The following GAS6 variants were observed in gnomAD, a reference collection of about 807,000 sequenced individuals.
GAS6 encodes the protein growth arrest-specific protein 6.
Under a neutral mutation model 75.8 loss-of-function variants are expected in GAS6, and 41 were observed. The ratio of observed to expected loss-of-function variants is 0.54; its 90% CI spans 0.42 to 0.70. The LOEUF (loss-of-function observed/expected upper bound fraction) is 0.70, where lower values mean the gene tolerates loss of function less well. GAS6 is among the 30% of genes least tolerant of loss of function. The pLI is 0.00. For missense variants in GAS6, 854 were observed against 940.2 expected, an observed-to-expected ratio of 0.91 and a Z score of 1.20; for synonymous variants, 432 against 412.6, an observed-to-expected ratio of 1.05 and a Z score of -0.57.
intron 14 of GAS6, 126 bp from the exon 15 acceptor site, chr13:113,821,144 C>T (rs1165423015): frequency 4.2e-6 from 4 of 949,018 alleles, no homozygotes; most frequent in Non-Finnish European, 6.3e-6. Context: ...GTTTCCCTTT[C>T]TTCTCTAACT....
chr13:113,861,585 T>C (rs1056665326), intron 2 of GAS6, among the ~76,000 whole-genome samples: 4 of 152,118 alleles, frequency 2.6e-5, no homozygotes, highest in Non-Finnish European at 5.9e-5. Context: ...GACAGTCCCC[T>C]CGGGCCTGGG....
In GAS6 at chr13:113,850,837, G is replaced by A. The variant is rs147228971; in HGVS notation, c.256-2787C>T. Among the ~76,000 whole-genome samples, 56 of 151,964 alleles carry A rather than the reference G, an allele frequency of 3.7e-4. No homozygotes were observed. The East Asian group carries it at 0.01, about 28-fold the overall frequency. The stretch of plus-strand genomic sequence containing the variant: ...GAACAGATGGATTGATAGATGGATA[G>A]ATGGATGGATAGATGCATGTATGGA... On this transcript the variant is annotated intron_variant, in intron 2 of 14. Transcript: ENST00000327773.
Position 113,832,232 on chromosome 13 carries a change from G to A in GAS6, c.1143+67C>T, listed in dbSNP as rs2051637636. ...CATCTCCTAACGGTTGCATAAGCGA[G>A]TGACAGCTGAGTCTGGCTCAGGGAG... On this transcript the variant is annotated intron_variant, in intron 10 of 14. Transcript: ENST00000327773. 6.6e-6 allele frequency: 10 copies of A among 1,524,042 alleles called. No homozygotes were observed. In the Admixed American group the frequency reaches 1.7e-4, roughly 25 times the overall value. The allele number at this position is 1,524,042 out of a possible 1,614,324, so 94.4% of individuals were successfully genotyped here.
chr13:113,863,803 G>A lies in GAS6; in HGVS notation c.88+30C>T. On this transcript the variant is annotated intron_variant, in intron 1 of 14. Transcript: ENST00000327773. This position sits in a 1 kb window ranked among gnomAD's most constrained non-coding sequence, Gnocchi z 9.4. The stretch of plus-strand genomic sequence containing the variant: ...GCCCGGAGCCTCCTCCCGCCGCCCG[G>A]GGACGGGGTCTCGGGCCCGCGGGAC... 1 of 1,391,090 alleles carries A rather than the reference G, an allele frequency of 7.2e-7. No homozygotes were observed. Among genetic ancestry groups the A allele is most frequent in the Non-Finnish European group, 9.2e-7 (1 of 1,084,804 alleles). 86.2% of individuals were successfully genotyped at this position (1,391,090 alleles called of 1,614,324 possible).
chr13:113,852,934 G>A (rs918737776), intron 2 of GAS6, among the ~76,000 whole-genome samples: 2 of 152,130 alleles, frequency 1.3e-5, no homozygotes, highest in African/African-American at 4.8e-5. Context: ...ACCTCCCCAT[G>A]CCACCGCAGG....
Position 113,828,690 on chromosome 13 carries a change from G to A in GAS6, c.1165C>T (p.Arg389Trp), listed in dbSNP as rs770585835. 2.2e-5 allele frequency: 36 copies of A among 1,613,280 alleles called. No homozygotes were observed. The highest frequency in any genetic ancestry group is 1.3e-4 in the East Asian group (6 of 44,900). ...WQTISVEELA[R>W]NLVIKVNRDA... ...CTGTTGACCTTGATGACCAGATTCC[G>A]CGCCAGCTCCTCAACAGAGATCTGA... Residue 389 changes from arginine (R) to tryptophan (W), a missense_variant, in exon 11 of 15, where the codon CGG (arginine) becomes TGG (tryptophan). Arg to Trp is a moderately radical substitution (Grantham distance 101). Transcript: ENST00000327773.
chr13:113,839,901 G>A (rs760395178), intron 4 of GAS6, 51 bp from the exon 5 acceptor site: 15 of 1,611,750 alleles, frequency 9.3e-6, no homozygotes, highest in Non-Finnish European at 1.2e-5. Context: ...CCACCCCTGC[G>A]CGCCCAACGC....
intron 2 of GAS6, among the ~76,000 whole-genome samples, chr13:113,858,897 G>C (rs1345789310): frequency 6.6e-6 from 1 of 151,664 alleles, no homozygotes; most frequent in Non-Finnish European, 1.5e-5. Flanking sequence ...CTATGTGAAT[G>C]TGTGCATGTA....
chr13:113,826,280 T>G (rs536799459), intron 12 of GAS6, among the ~76,000 whole-genome samples: 18 of 152,324 alleles, frequency 1.2e-4, no homozygotes, highest in African/African-American at 4.3e-4. Context: ...GTGACCACGG[T>G]GTCCACCATG....
chr13:113,836,000 C>G (rs2051698723), intron 6 of GAS6: 1 of 1,046,506 alleles, frequency 9.6e-7, no homozygotes, highest in East Asian at 7.5e-5. Context: ...GCATTTGAAA[C>G]TAAAACCCCA....
At chr13:113,822,384 C>T (rs913933354) in intron 13 of GAS6, 198 bp from the exon 14 acceptor site, 23 of 488,216 alleles carry the variant, frequency 4.7e-5, no homozygotes, top group African/African-American at 3.5e-4. Context: ...CTTCTCTGCA[C>T]GTAAAGCCAG....
chr13:113,862,358 T>TG (rs2051978596), intron 2 of GAS6, among the ~76,000 whole-genome samples: 1 of 152,230 alleles, frequency 6.6e-6, no homozygotes, highest in Non-Finnish European at 1.5e-5. Flanking sequence ...AGGACGCTGT[T>TG]GGAGGACACT....
At position 113,824,064 on chromosome 13, in the gene GAS6, CGCGCGGT is replaced by C. The variant is rs1243535502; in HGVS notation, c.1478-521_1478-515del. ...TCTGGGGTCTGAGCTGTCAGGAGCA[CGCGCGGT>C]CTGGGGTCTGAGCTGTCAGGAGCAC... On this transcript the variant is annotated intron_variant, in intron 12 of 14. Coordinates refer to ENST00000327773, the MANE Select transcript of GAS6 (RefSeq NM_000820.4). 3.8e-3 allele frequency among the ~76,000 whole-genome samples: 558 copies of C among 146,086 alleles called. 12 individuals are homozygous for C. The highest frequency in any genetic ancestry group is 0.012 in the African/African-American group (436 of 37,724).
chr13:113,823,825 G>A (rs2051494228), intron 12 of GAS6, among the ~76,000 whole-genome samples: 1 of 152,244 alleles, frequency 6.6e-6, no homozygotes. Context: ...AGGCCCGTCT[G>A]AGGGGCCACA....
chr13:113,829,227 T>C lies in GAS6; in HGVS notation c.1144-516A>G, dbSNP rs35749743. 8.5e-3 allele frequency among the ~76,000 whole-genome samples: 291 copies of C among 34,224 alleles called. 23 individuals carry two copies. The highest frequency in any genetic ancestry group is 0.061 in the African/African-American group (174 of 2,834). The allele number at this position is 34,224 out of a possible 152,430, so 22.5% of individuals were successfully genotyped here. ...GATCCTCACCTGGGCCAAGAGGGTC[T>C]CAATCTCAGGCAGACCACATGATCC... On this transcript the variant is annotated intron_variant, in intron 10 of 14. Transcript: ENST00000327773.
chr13:113,831,196 G>A (rs192447541), intron 10 of GAS6, among the ~76,000 whole-genome samples: 22 of 152,360 alleles, frequency 1.4e-4, no homozygotes, highest in African/African-American at 5.0e-4. Flanking sequence ...CCAAGTGCAG[G>A]TCTGACCAGG....
chr13:113,833,608 A>AGGCG, intron 8 of GAS6: 1 of 902,720 alleles, frequency 1.1e-6, no homozygotes, highest in Non-Finnish European at 1.3e-6. Flanking sequence ...TGTGACAGGC[A>AGGCG]CCGGTGTGAC....
At chr13:113,833,732 G>C (rs1361367994) in intron 8 of GAS6, 5 of 866,124 alleles carry the variant, frequency 5.8e-6, no homozygotes, top group Non-Finnish European at 6.8e-6. Flanking sequence ...CGGTGTGACA[G>C]GTCGGTGTGA....
At chr13:113,838,706 G>A (rs547716468) in intron 5 of GAS6, among the ~76,000 whole-genome samples, 10 of 147,328 alleles carry the variant, frequency 6.8e-5, no homozygotes, top group Non-Finnish European at 1.2e-4. Context: ...GGAGCCCGGG[G>A]GTGCACAGCC....
Sources: allele counts gnomAD v4.1 joint callset (sites outside exome capture counted in the v4.1 genomes callset), GRCh38; gene constraint gnomAD v4.1.1; non-coding constraint Gnocchi (gnomAD v3.1); transcripts MANE v1.5; gene names NCBI Gene and HGNC (gene_info 2026-07-23, HGNC 2026-07-21).